BMP2K: variants seen among roughly 807,000 people sequenced by gnomAD.
BMP2K encodes BMP-2-inducible protein kinase.
Under a neutral mutation model 116.0 loss-of-function variants are expected in BMP2K, and 74 were observed. The observed-to-expected ratio is 0.64, with a 90% CI of 0.53 to 0.77. BMP2K has a LOEUF of 0.77. Ranked by LOEUF, BMP2K falls within the 30% of genes least tolerant of loss-of-function variation. The pLI is 0.00. For missense variants in BMP2K, 1,365 were observed against 1,403.6 expected (o/e 0.97, Z 0.44); for synonymous variants, 486 against 502.5 (o/e 0.97, Z 0.44).
At chr4:78,842,699 C>T (rs1021384988) in intron 4 of BMP2K, among the ~76,000 whole-genome samples, 172 bp downstream of exon 4, 3 of 151,988 alleles carry the variant, frequency 2.0e-5, no homozygotes, top group East Asian at 1.9e-4. Flanking sequence ...TTGTGCTTTA[C>T]TTGACTTTGA....
chr4:78,877,934 A>T (rs1215660543), intron 13 of BMP2K, among the ~76,000 whole-genome samples: 1 of 152,128 alleles, frequency 6.6e-6, no homozygotes, highest in Non-Finnish European at 1.5e-5. Context: ...GTGAAAGGTC[A>T]TTATGTGGTA....
chr4:78,900,107 C>T (rs993031179), intron 15 of BMP2K, among the ~76,000 whole-genome samples: 1 of 152,172 alleles, frequency 6.6e-6, no homozygotes. Flanking sequence ...AGAACAACCC[C>T]TCTTCTTTGC....
intron 1 of BMP2K, among the ~76,000 whole-genome samples, chr4:78,793,186 C>T (rs958032650): frequency 2.0e-5 from 3 of 151,782 alleles, no homozygotes; most frequent in African/African-American, 7.3e-5. Flanking sequence ...TCGAGGCGGG[C>T]GGATCACGAG....
At chr4:78,776,820 C>G (rs1727273872) in intron 1 of BMP2K, 99 bp downstream of exon 1, 2 of 1,073,330 alleles carry the variant, frequency 1.9e-6, no homozygotes, top group Non-Finnish European at 1.2e-6. Context: ...ACTCTTATAC[C>G]CCATTCTTCC....
At chr4:78,823,995 AT>A (rs1300672597) in intron 1 of BMP2K, among the ~76,000 whole-genome samples, 1 of 152,128 alleles carries the variant, frequency 6.6e-6, no homozygotes, top group Non-Finnish European at 1.5e-5. Flanking sequence ...TGGCTTGTTA[AT>A]GTTTACATAT....
chr4:78,844,840 A>T, intron 4 of BMP2K, 88 bp from the exon 5 acceptor site: 1 of 1,177,844 alleles, frequency 8.5e-7, no homozygotes, highest in Middle Eastern at 2.8e-4. Context: ...TAAGCTTCGT[A>T]TGTACAAATA....
intron 1 of BMP2K, among the ~76,000 whole-genome samples, chr4:78,813,352 G>A (rs982462969): frequency 6.6e-6 from 1 of 152,106 alleles, no homozygotes; most frequent in African/African-American, 2.4e-5. Context: ...TCTTCACTCT[G>A]TTCTTCACAC....
At chr4:78,874,049 G>C in intron 13 of BMP2K, among the ~76,000 whole-genome samples, 1 of 151,956 alleles carries the variant, frequency 6.6e-6, no homozygotes, top group East Asian at 1.9e-4. Context: ...GTGGTGGTGC[G>C]CGCCTGTAAT....
At chr4:78,876,213 G>A (rs962147418) in intron 13 of BMP2K, among the ~76,000 whole-genome samples, 7 of 152,022 alleles carry the variant, frequency 4.6e-5, no homozygotes, top group Admixed American at 4.6e-4. Context: ...CAGACAGGAG[G>A]GGGGATGCCC....
intron 5 of BMP2K, 32 bp from the exon 6 acceptor site, chr4:78,847,156 A>G: frequency 8.5e-7 from 1 of 1,175,600 alleles, no homozygotes; most frequent in Non-Finnish European, 1.2e-6. Flanking sequence ...ATATATATAT[A>G]TCTCCACTCC....
At chr4:78,902,320 TA>T (rs1734052660) in intron 15 of BMP2K, among the ~76,000 whole-genome samples, 1 of 152,146 alleles carries the variant, frequency 6.6e-6, no homozygotes, top group Admixed American at 6.5e-5. Context: ...TATGAGAACA[TA>T]ATGGAAATGT....
At chr4:78,891,596 A>C (rs909324968) in intron 15 of BMP2K, among the ~76,000 whole-genome samples, 3 of 152,132 alleles carry the variant, frequency 2.0e-5, no homozygotes, top group Non-Finnish European at 2.9e-5. Flanking sequence ...GCATCTTAGA[A>C]ATTTCCTTGG....
At chr4:78,846,509 T>C (rs1452638673) in intron 5 of BMP2K, among the ~76,000 whole-genome samples, 2 of 151,630 alleles carry the variant, frequency 1.3e-5, no homozygotes, top group Non-Finnish European at 3.0e-5. Context: ...CTTCTGAGCA[T>C]TTGTGACATG....
intron 1 of BMP2K, among the ~76,000 whole-genome samples, chr4:78,790,963 A>G (rs1727968085): frequency 2.0e-5 from 3 of 152,180 alleles, no homozygotes; most frequent in African/African-American, 7.2e-5. Flanking sequence ...AACTTTAGAT[A>G]GAGGCTGAGC....
At position 78,826,047 on chromosome 4, in the gene BMP2K, C is replaced by T; in HGVS notation, c.189C>T (p.Ser63=). 6.2e-7 allele frequency: 1 copy of T among 1,611,612 alleles called. No individual in the cohort carries two copies. Among genetic ancestry groups the T allele is most frequent in the Non-Finnish European group, 8.5e-7 (1 of 1,178,860 alleles). ...GCTTTGTTTTTCTAGGTGGATTCTC[C>T]ACAGTTTTCCTCGTGCGTACTCACG... is the stretch of plus-strand genomic sequence containing the variant. The part of the protein sequence containing the change: ...LEESLAEGGF[S]TVFLVRTHGG... The change falls in exon 2 of 16, where the codon TCC becomes TCT. Residue 63 remains serine (S), a synonymous_variant. Coordinates refer to ENST00000502613, the MANE Select transcript of BMP2K (RefSeq NM_198892.2).
chr4:78,776,450 A>G lies in BMP2K; in HGVS notation c.-94A>G. ...GGGCCGCAGCACGCTCGGACGGGCCAGGGGCGGCGACCCCTCGCGGACGCC... is the reference window on the plus strand; with the variant it reads ...GGGCCGCAGCACGCTCGGACGGGCCGGGGGCGGCGACCCCTCGCGGACGCC... On this transcript the variant is annotated 5_prime_UTR_variant, in exon 1 of 16. Transcript: ENST00000502613. The G allele has an allele frequency of 9.3e-7, 1 of 1,070,544 alleles. No individual in the cohort carries two copies. The highest frequency in any genetic ancestry group is 1.1e-6 in the Non-Finnish European group (1 of 880,944). 66.3% of individuals were successfully genotyped at this position (1,070,544 alleles called of 1,614,324 possible). A position where few individuals can be genotyped will look rare whatever the true frequency, so the allele number is the denominator to read the frequency against.
At chr4:78,825,906 G>C (rs1014965686) in intron 1 of BMP2K, 131 bp from the exon 2 acceptor site, 2 of 667,072 alleles carry the variant, frequency 3.0e-6, no homozygotes, top group African/African-American at 3.6e-5. Context: ...TCTACTAGTA[G>C]CTTATTGCAC....
At chr4:78,854,023 A>G (rs1382147657) in intron 7 of BMP2K, among the ~76,000 whole-genome samples, 1 of 152,012 alleles carries the variant, frequency 6.6e-6, no homozygotes, top group Non-Finnish European at 1.5e-5. Context: ...ATTTGGTTTT[A>G]TGGGTTAATG....
At chr4:78,878,693 T>A in intron 13 of BMP2K, 41 bp from the exon 14 acceptor site, 1 of 1,479,458 alleles carries the variant, frequency 6.8e-7, no homozygotes, top group Non-Finnish European at 9.2e-7. Flanking sequence ...ATTTTAATTT[T>A]TCTTTCCATC....
Sources: allele counts gnomAD v4.1 joint callset (sites outside exome capture counted in the v4.1 genomes callset), GRCh38; gene constraint gnomAD v4.1.1; transcripts MANE v1.5; gene names NCBI Gene and HGNC (gene_info 2026-07-23, HGNC 2026-07-21).